Variants in HEPACAM2 observed in about 807,000 individuals in gnomAD.
HEPACAM2 encodes the protein mitotic kinetics regulator.
Under a neutral mutation model 49.6 loss-of-function variants are expected in HEPACAM2, and 49 were observed. That is an observed-to-expected ratio of 0.99 (90% CI 0.78 to 1.25). The LOEUF (loss-of-function observed/expected upper bound fraction) is 1.25. Among genes scored for constraint, HEPACAM2 ranks in the 50% most tolerant of loss-of-function variants. The pLI is 0.00. For missense variants in HEPACAM2, 525 were observed against 557.2 expected, an observed-to-expected ratio of 0.94 and a Z score of 0.58; for synonymous variants, 197 against 202.9, an observed-to-expected ratio of 0.97 and a Z score of 0.25.
chr7:93,221,863 T>C (rs532297558), intron 1 of HEPACAM2, among the ~76,000 whole-genome samples: 1 of 152,304 alleles, frequency 6.6e-6, no homozygotes, highest in South Asian at 2.1e-4. Flanking sequence ...GATTGGTCCA[T>C]AACAAAGCAG....
chr7:93,194,806 T>A (rs1562820451), intron 8 of HEPACAM2, among the ~76,000 whole-genome samples: 1 of 151,754 alleles, frequency 6.6e-6, no homozygotes, highest in Admixed American at 6.6e-5. Context: ...CATAGCAGAA[T>A]AAGGAAGCAG....
Position 93,197,589 on chromosome 7 carries a change from T to C in HEPACAM2, c.1034A>G (p.Lys345Arg). The change falls in exon 5 of 10, where the codon AAA (lysine) becomes AGA (arginine). Residue 345 changes from lysine (K) to arginine (R), a missense_variant. Transcript: ENST00000394468. The part of the protein sequence containing the change: ...TSVGLEKLAQ[K>R]GKSLSPLASI... ...TGCTAAAGGTGACAATGATTTTCCT[T>C]TCTGTGCAAGCTTCTCCAGTCCTAA... 6.3e-7 allele frequency: 1 copy of C among 1,597,332 alleles called. No homozygotes were observed. The highest frequency in any genetic ancestry group is 8.5e-7 in the Non-Finnish European group (1 of 1,171,110).
chr7:93,210,733 T>A (rs1398380394), intron 3 of HEPACAM2, among the ~76,000 whole-genome samples: 2 of 151,932 alleles, frequency 1.3e-5, no homozygotes, highest in African/African-American at 4.8e-5. Context: ...CTGATTTTTT[T>A]AAAAGTATAA....
chr7:93,208,986 G>T (rs1031991153), intron 3 of HEPACAM2, 110 bp from the exon 4 acceptor site: 1 of 860,780 alleles, frequency 1.2e-6, no homozygotes, highest in East Asian at 2.7e-5. Context: ...TTTCATCTTA[G>T]AATTGGACGA....
At chr7:93,229,368 A>G (rs1373604073), upstream of HEPACAM2, among the ~76,000 whole-genome samples, 1 of 152,076 alleles carries the variant, frequency 6.6e-6, no homozygotes, top group African/African-American at 2.4e-5. Context: ...TCACTACTTT[A>G]CCTTTGGCAA....
intron 6 of HEPACAM2, 40 bp downstream of exon 6, chr7:93,197,333 C>A (rs201407145): frequency 1.9e-6 from 3 of 1,604,332 alleles, no homozygotes; most frequent in Admixed American, 1.7e-5. Context: ...GAATAAGCAT[C>A]TAAGGAAAAC....
chr7:93,226,607 C>T, upstream of HEPACAM2: 1 of 528,800 alleles, frequency 1.9e-6, no homozygotes, highest in Non-Finnish European at 3.4e-6. Flanking sequence ...GTGGGAACAC[C>T]TGTTATGTGC....
chr7:93,216,419 G>A (rs925599973), intron 2 of HEPACAM2, among the ~76,000 whole-genome samples: 4 of 152,140 alleles, frequency 2.6e-5, no homozygotes, highest in Non-Finnish European at 5.9e-5. Flanking sequence ...GGAAAGTCAA[G>A]TCATAGGAAA....
At chr7:93,202,795 G>A (rs373016954) in intron 4 of HEPACAM2, among the ~76,000 whole-genome samples, 1 of 152,024 alleles carries the variant, frequency 6.6e-6, no homozygotes, top group East Asian at 1.9e-4. Context: ...CACTCTGGCC[G>A]GCATCAGCTC....
At chr7:93,194,699 G>A (rs1027750426) in intron 8 of HEPACAM2, among the ~76,000 whole-genome samples, 16 of 151,954 alleles carry the variant, frequency 1.1e-4, no homozygotes, top group South Asian at 2.1e-4. Context: ...GAGAAGTCAC[G>A]ATTCCCTAAT....
At chr7:93,197,331 A>G in intron 6 of HEPACAM2, 42 bp downstream of exon 6, 2 of 1,605,328 alleles carry the variant, frequency 1.2e-6, no homozygotes, top group Non-Finnish European at 1.7e-6. Flanking sequence ...AGGAATAAGC[A>G]TCTAAGGAAA....
chr7:93,192,336 C>T lies in HEPACAM2; in HGVS notation c.1303G>A (p.Asp435Asn). ...RIPSRSVPAS[D>N]CVSGQDLHST... ...TGCAAATCTTGCCCCGATACACAAT[C>T]AGAGGCTGGAACAGACCTGCTTGGG... The change falls in exon 9 of 10, where the codon GAT becomes AAT. Residue 435 changes from aspartate to asparagine, a missense_variant. Coordinates refer to ENST00000394468, the MANE Select transcript of HEPACAM2 (RefSeq NM_001039372.4). 1 of 1,612,562 alleles carries T rather than the reference C, an allele frequency of 6.2e-7. No homozygotes were observed. Among genetic ancestry groups the T allele is most frequent in the African/African-American group, 1.3e-5 (1 of 74,922 alleles).
At chr7:93,213,021 T>G (rs1329521477) in intron 3 of HEPACAM2, among the ~76,000 whole-genome samples, 2 of 152,066 alleles carry the variant, frequency 1.3e-5, no homozygotes, top group African/African-American at 4.8e-5. Context: ...ACATATCATC[T>G]GTTCTCTTTA....
chr7:93,194,145 G>A (rs1484905249), intron 8 of HEPACAM2, among the ~76,000 whole-genome samples: 1 of 152,122 alleles, frequency 6.6e-6, no homozygotes, highest in Non-Finnish European at 1.5e-5. Context: ...CTCTGCTTAA[G>A]TTCTTCAGGG....
intron 7 of HEPACAM2, 105 bp from the exon 8 acceptor site, chr7:93,196,006 G>A (rs1793707928): frequency 2.7e-6 from 2 of 749,424 alleles, no homozygotes; most frequent in Middle Eastern, 2.5e-4. Context: ...AAATGGTATA[G>A]GTACAAAATG....
chr7:93,220,369 C>T (rs898369274), intron 1 of HEPACAM2, among the ~76,000 whole-genome samples: 4 of 152,068 alleles, frequency 2.6e-5, no homozygotes, highest in Non-Finnish European at 5.9e-5. Context: ...TAGTAAAAGA[C>T]GTTTTGGAAA....
chr7:93,211,996 T>C (rs1436242982), intron 3 of HEPACAM2, among the ~76,000 whole-genome samples: 1 of 152,158 alleles, frequency 6.6e-6, no homozygotes, highest in Middle Eastern at 3.4e-3. Context: ...TTTTCAAGCA[T>C]GCTGACATTG....
intron 4 of HEPACAM2, among the ~76,000 whole-genome samples, chr7:93,198,950 G>T (rs1022604160): frequency 6.6e-6 from 1 of 152,044 alleles, no homozygotes; most frequent in Non-Finnish European, 1.5e-5. Flanking sequence ...AATCTTACAG[G>T]AATCTTTTAA....
chr7:93,192,221 C>A, intron 9 of HEPACAM2, 33 bp downstream of exon 9: 1 of 1,488,460 alleles, frequency 6.7e-7, no homozygotes, highest in South Asian at 1.1e-5. Context: ...CTTAGCCTCT[C>A]CATAGCACCA....
Sources: gnomAD v4.1 joint callset for allele counts (sites outside exome capture counted in the v4.1 genomes callset) on GRCh38, gnomAD v4.1.1 for gene constraint, MANE v1.5 for transcripts, NCBI Gene and HGNC (gene_info 2026-07-23, HGNC 2026-07-21) for gene names.